Variants in ATRNL1 observed in about 807,000 individuals in gnomAD.
ATRNL1 encodes the protein attractin-like protein 1.
Under a neutral mutation model 182.7 loss-of-function variants are expected in ATRNL1, and 95 were observed. The observed-to-expected ratio is 0.52, with a 90% CI of 0.44 to 0.62. The LOEUF (loss-of-function observed/expected upper bound fraction) is 0.62, where lower values mean the gene tolerates loss of function less well. ATRNL1 is among the 20% of genes least tolerant of loss of function. The pLI, the probability that ATRNL1 is intolerant of heterozygous loss-of-function variation, is 0.00. For missense variants in ATRNL1, 1,471 were observed against 1,679.5 expected (o/e 0.88, Z 2.17); for synonymous variants, 576 against 568.3 (o/e 1.01, Z -0.19).
intron 19 of ATRNL1, among the ~76,000 whole-genome samples, chr10:115,388,233 T>C (rs1592576747): frequency 6.6e-6 from 1 of 152,162 alleles, no homozygotes; most frequent in South Asian, 2.1e-4. Context: ...TTCTACTAGG[T>C]GTGGTGTGCT....
At chr10:115,789,634 A>G in intron 27 of ATRNL1, among the ~76,000 whole-genome samples, 1 of 152,182 alleles carries the variant, frequency 6.6e-6, no homozygotes, top group African/African-American at 2.4e-5. Flanking sequence ...TTTAACTGGG[A>G]AAATGCCTTT....
chr10:115,759,101 A>G (rs941453684), intron 27 of ATRNL1, among the ~76,000 whole-genome samples: 2 of 152,226 alleles, frequency 1.3e-5, no homozygotes, highest in Non-Finnish European at 2.9e-5. Flanking sequence ...GCTCAGAAAT[A>G]CAAAAATTAA....
chr10:115,219,292 G>T (rs1411704348), intron 9 of ATRNL1, among the ~76,000 whole-genome samples: 1 of 151,622 alleles, frequency 6.6e-6, no homozygotes, highest in African/African-American at 2.4e-5. Flanking sequence ...TCTCCTCACA[G>T]AGCTGTGTGA....
intron 13 of ATRNL1, among the ~76,000 whole-genome samples, chr10:115,276,740 TG>T (rs1186589155): frequency 5.3e-5 from 8 of 152,178 alleles, no homozygotes; most frequent in Admixed American, 3.3e-4. Context: ...AGTAGAGTAG[TG>T]GTTACTATTC....
chr10:115,611,751 A>T (rs1327039537), intron 26 of ATRNL1, among the ~76,000 whole-genome samples: 7 of 152,260 alleles, frequency 4.6e-5, no homozygotes, highest in African/African-American at 1.7e-4. Flanking sequence ...ATAATTTAGG[A>T]TAATATTTCA....
At chr10:115,509,774 T>C (rs782812920) in intron 24 of ATRNL1, among the ~76,000 whole-genome samples, 53 of 151,976 alleles carry the variant, frequency 3.5e-4, no homozygotes, top group Non-Finnish European at 7.1e-4. Context: ...CAAGGAGTAA[T>C]TTTGATTTTT....
chr10:115,341,152 A>G (rs1361651322), intron 19 of ATRNL1, among the ~76,000 whole-genome samples: 2 of 151,850 alleles, frequency 1.3e-5, no homozygotes, highest in African/African-American at 4.8e-5. Context: ...TGATGTAGGC[A>G]CTTATAGCTA....
At chr10:115,724,634 G>T (rs1289175243) in intron 26 of ATRNL1, among the ~76,000 whole-genome samples, 1 of 152,126 alleles carries the variant, frequency 6.6e-6, no homozygotes, top group Non-Finnish European at 1.5e-5. Context: ...AAGTTCAACA[G>T]CTGGGATTTA....
At chr10:115,629,078 A>G (rs1364910077) in intron 26 of ATRNL1, among the ~76,000 whole-genome samples, 1 of 151,930 alleles carries the variant, frequency 6.6e-6, no homozygotes, top group East Asian at 1.9e-4. Context: ...GTTTTTCTTT[A>G]CAAATATTTC....
At chr10:115,406,479 A>G (rs1332454027) in intron 20 of ATRNL1, among the ~76,000 whole-genome samples, 1 of 152,186 alleles carries the variant, frequency 6.6e-6, no homozygotes, top group Non-Finnish European at 1.5e-5. Flanking sequence ...TACCCATTCC[A>G]AGTCTTTATG....
At chr10:115,394,464 A>G (rs1041088045) in intron 19 of ATRNL1, among the ~76,000 whole-genome samples, 195 bp from the exon 20 acceptor site, 2 of 152,020 alleles carry the variant, frequency 1.3e-5, no homozygotes, top group Non-Finnish European at 2.9e-5. Context: ...ACTTTAAGGA[A>G]TTTCACAAAA....
intron 19 of ATRNL1, among the ~76,000 whole-genome samples, chr10:115,349,335 C>G (rs1189228978): frequency 3.3e-5 from 5 of 152,090 alleles, no homozygotes; most frequent in Non-Finnish European, 7.3e-5. Context: ...TGTATATATA[C>G]CACATTTTCT....
chr10:115,772,969 A>T (rs1949032530), intron 27 of ATRNL1, among the ~76,000 whole-genome samples: 1 of 152,178 alleles, frequency 6.6e-6, no homozygotes, highest in Admixed American at 6.6e-5. Flanking sequence ...AATCAACCAC[A>T]GCCAATAGGC....
chr10:115,505,998 G>C (rs1554981216), intron 24 of ATRNL1, among the ~76,000 whole-genome samples: 1 of 151,724 alleles, frequency 6.6e-6, no homozygotes, highest in African/African-American at 2.4e-5. Context: ...TTGAACTCCA[G>C]CATGGGTGGA....
chr10:115,394,744 A>G lies in ATRNL1; in HGVS notation c.3261A>G (p.Gln1087=), dbSNP rs1844202477. ...FCTTKGIKGD[Q]CQLCDSENRY... is the part of the protein sequence containing the mutation. ...CAACTAAAGGAATAAAAGGTGACCA[A>G]TGCCAATTGTAAGTAAGAATGACTT... is the stretch of plus-strand genomic sequence containing the variant. Residue 1087 remains glutamine, a synonymous_variant, in exon 20 of 29, where the codon CAA becomes CAG. Coordinates refer to ENST00000355044, the MANE Select transcript of ATRNL1 (RefSeq NM_207303.4). The G allele has an allele frequency of 1.3e-6, 2 of 1,594,974 alleles. No individual in the cohort carries two copies. The highest frequency in any genetic ancestry group is 2.3e-5 in the East Asian group (1 of 44,282).
intron 26 of ATRNL1, among the ~76,000 whole-genome samples, chr10:115,700,796 G>C (rs782182403): frequency 1.3e-5 from 2 of 152,054 alleles, no homozygotes; most frequent in Non-Finnish European, 2.9e-5. Flanking sequence ...GGAGCACCCA[G>C]AATTATAAAA....
intron 19 of ATRNL1, among the ~76,000 whole-genome samples, chr10:115,371,277 G>A (rs1369942847): frequency 6.6e-6 from 1 of 152,164 alleles, no homozygotes; most frequent in Non-Finnish European, 1.5e-5. Flanking sequence ...GTGATGCCTA[G>A]TGGAGCTGTG....
At chr10:115,833,539 C>T (rs1555094423) in intron 27 of ATRNL1, among the ~76,000 whole-genome samples, 1 of 152,088 alleles carries the variant, frequency 6.6e-6, no homozygotes, top group Non-Finnish European at 1.5e-5. Flanking sequence ...TTAAACAGAC[C>T]ATTAAAATGA....
intron 18 of ATRNL1, among the ~76,000 whole-genome samples, chr10:115,328,633 T>C (rs1855043496): frequency 6.6e-6 from 1 of 152,098 alleles, no homozygotes; most frequent in Non-Finnish European, 1.5e-5. Context: ...TTAATGTCTA[T>C]GAGATCTTTT....
Sources: allele counts gnomAD v4.1 joint callset (sites outside exome capture counted in the v4.1 genomes callset), GRCh38; gene constraint gnomAD v4.1.1; transcripts MANE v1.5; gene names NCBI Gene and HGNC (gene_info 2026-07-23, HGNC 2026-07-21).